Variants in PDZD9 observed in about 807,000 individuals in gnomAD.
PDZD9 encodes PDZ domain containing 9, also known as PDZ domain-containing protein 9.
PDZD9 carries 13 observed loss-of-function variants against 16.3 expected under a neutral mutation model. The observed-to-expected ratio is 0.80, with a 90% CI of 0.52 to 1.27. The LOEUF (loss-of-function observed/expected upper bound fraction) is 1.27. Ranked by LOEUF, PDZD9 falls within the 50% of genes most tolerant of loss-of-function variation. The pLI is 0.00. For missense variants in PDZD9, 288 were observed against 310.9 expected, an observed-to-expected ratio of 0.93 and a Z score of 0.55; for synonymous variants, 120 against 111.0, an observed-to-expected ratio of 1.08 and a Z score of -0.51.
chr16:21,967,922 C>T, the PDZD9 span, among the ~76,000 whole-genome samples: 5 of 151,616 alleles, frequency 3.3e-5, no homozygotes, highest in South Asian at 2.1e-4. Context: ...TGACATACTA[C>T]GTAAGCTACA....
rs1899232160 is a variant in PDZD9 at position 21,999,356 on chromosome 16, G to A, written c.31+1661C>T. 1.5e-5 allele frequency: 3 copies of A among 203,844 alleles called. No individual in the cohort carries two copies. The South Asian group carries it at 3.1e-4, about 21-fold the overall frequency. 12.6% of individuals were successfully genotyped at this position (203,844 alleles called of 1,614,324 possible). A position where few individuals can be genotyped will look rare whatever the true frequency, so the allele number is the denominator to read the frequency against. On this transcript the variant is annotated intron_variant, in intron 1 of 3. Coordinates refer to ENST00000424898, the MANE Select transcript of PDZD9 (RefSeq NM_001363519.1). ...TGGAAAAGGGTGAGCTCAGAAAAGA[G>A]TGAGCTGCTGTGTTTGGGGACAACC...
At chr16:21,994,513 G>A (rs943983525) in intron 2 of PDZD9, among the ~76,000 whole-genome samples, 1 of 152,222 alleles carries the variant, frequency 6.6e-6, no homozygotes, top group African/African-American at 2.4e-5. Context: ...GGGCAGTATT[G>A]GTAAAGCCCT....
At position 21,988,800 on chromosome 16, in the gene PDZD9, G is replaced by A; in HGVS notation, c.212-9C>T. 6.3e-7 allele frequency: 1 copy of A among 1,583,448 alleles called. No homozygotes were observed. Among genetic ancestry groups the A allele is most frequent in the Non-Finnish European group, 8.5e-7 (1 of 1,170,286 alleles). On this transcript the variant is annotated splice_polypyrimidine_tract_variant and intron_variant, in intron 2 of 3. Transcript: ENST00000424898. The stretch of plus-strand genomic sequence containing the variant: ...ACTAATCAGAACATCACCTGAAGAG[G>A]GAAAAAATTATGTATCAGTAAAACT...
chr16:21,982,076 G>A (rs1036998960), downstream of PDZD9, among the ~76,000 whole-genome samples: 4 of 151,858 alleles, frequency 2.6e-5, no homozygotes, highest in Admixed American at 1.3e-4. Flanking sequence ...TCCTGACCTC[G>A]TGATCCACCC....
chr16:21,962,627 G>A, the PDZD9 span: 13 of 1,590,158 alleles, frequency 8.2e-6, no homozygotes, highest in East Asian at 2.9e-4. Flanking sequence ...TTGGATTATT[G>A]TTCATAAACT....
the PDZD9 span, among the ~76,000 whole-genome samples, chr16:21,960,682 T>C: frequency 1.3e-5 from 2 of 152,170 alleles, no homozygotes; most frequent in Non-Finnish European, 2.9e-5. Flanking sequence ...TCCTTTCACT[T>C]GTATACTTAG....
chr16:21,984,762 C>T (rs759204284), intron 3 of PDZD9, 102 bp from the exon 4 acceptor site: 1 of 875,280 alleles, frequency 1.1e-6, no homozygotes, highest in Non-Finnish European at 1.6e-6. Context: ...ATAAAAGATA[C>T]AATTTAGCTT....
chr16:21,971,580 T>TG, the PDZD9 span: 7 of 1,614,062 alleles, frequency 4.3e-6, no homozygotes, highest in Non-Finnish European at 5.9e-6. Context: ...ACATGAGGGG[T>TG]GGGCTTGGTT....
At chr16:21,997,773 T>C (rs1194082082) in intron 1 of PDZD9, among the ~76,000 whole-genome samples, 1 of 152,172 alleles carries the variant, frequency 6.6e-6, no homozygotes, top group Non-Finnish European at 1.5e-5. Flanking sequence ...GGAAACTCCT[T>C]TTCGGTACAC....
At chr16:21,972,063 A>G in the PDZD9 span, 1 of 1,614,160 alleles carries the variant, frequency 6.2e-7, no homozygotes, top group Non-Finnish European at 8.5e-7. Context: ...CAAGAGGGGC[A>G]GCAACACCAC....
chr16:21,971,698 G>A, the PDZD9 span: 1 of 1,447,390 alleles, frequency 6.9e-7, no homozygotes, highest in East Asian at 2.3e-5. Flanking sequence ...GGTGGAATAG[G>A]CCTGAATATT....
At chr16:21,998,925 A>T in intron 1 of PDZD9, 1 of 227,844 alleles carries the variant, frequency 4.4e-6, no homozygotes, top group Non-Finnish European at 1.0e-5. Context: ...CATTTTGGAG[A>T]GAAGACTTCT....
the PDZD9 span, chr16:21,973,801 C>T: frequency 9.0e-5 from 96 of 1,071,368 alleles, no homozygotes; most frequent in African/African-American, 7.7e-4. Context: ...TTGTTTATAC[C>T]GTGAAGGTCC....
chr16:21,957,594 T>C, the PDZD9 span: 4 of 1,609,264 alleles, frequency 2.5e-6, no homozygotes, highest in Non-Finnish European at 3.4e-6. Context: ...CTCAAGTGTT[T>C]GGAAATGCTG....
chr16:21,961,768 C>T, the PDZD9 span, among the ~76,000 whole-genome samples: 2 of 150,510 alleles, frequency 1.3e-5, no homozygotes, highest in Non-Finnish European at 3.0e-5. Context: ...TCTCCTGCCT[C>T]AGCCTCCGTG....
At position 21,996,293 on chromosome 16, in the gene PDZD9, G is replaced by A. The variant is rs926102166; in HGVS notation, c.211+29C>T. The A allele has an allele frequency of 7.9e-6, 12 of 1,525,984 alleles. 1 individual carries two copies. Among genetic ancestry groups the A allele is most frequent in the Non-Finnish European group, 1.1e-5 (12 of 1,140,376 alleles). 94.5% of individuals were successfully genotyped at this position (1,525,984 alleles called of 1,614,324 possible). A position where few individuals can be genotyped will look rare whatever the true frequency, so the allele number is the denominator to read the frequency against. ...TGCAGGCAGATGGGCAGGATGGGTG[G>A]TTGGGAAGCATGGCGAAAGGGCAAT... is the stretch of plus-strand genomic sequence containing the variant. On this transcript the variant is annotated intron_variant, in intron 2 of 3. Coordinates refer to ENST00000424898, the MANE Select transcript of PDZD9 (RefSeq NM_001363519.1).
chr16:21,968,960 AC>A, the PDZD9 span, among the ~76,000 whole-genome samples: 1 of 152,192 alleles, frequency 6.6e-6, no homozygotes, highest in Non-Finnish European at 1.5e-5. Context: ...GCTTTTACAA[AC>A]TTTTTTAAAA....
chr16:21,987,996 AG>A (rs148344454), intron 3 of PDZD9, among the ~76,000 whole-genome samples: 9,813 of 145,478 alleles, frequency 0.067, 1,107 homozygotes, highest in African/African-American at 0.24. Context: ...AGGATTTGCA[AG>A]AAGCACTTTT....
chr16:21,960,705 G>A, the PDZD9 span, among the ~76,000 whole-genome samples: 1 of 152,108 alleles, frequency 6.6e-6, no homozygotes, highest in African/African-American at 2.4e-5. Flanking sequence ...GCCATTGTCG[G>A]GTTATTCATT....
Sources: allele counts gnomAD v4.1 joint callset (sites outside exome capture counted in the v4.1 genomes callset), GRCh38; gene constraint gnomAD v4.1.1; transcripts MANE v1.5; gene names NCBI Gene and HGNC (gene_info 2026-07-23, HGNC 2026-07-21).